DAB1: variants seen among roughly 807,000 people sequenced by gnomAD.
DAB1 encodes the protein disabled homolog 1.
A neutral mutation model predicts 64.6 loss-of-function variants in DAB1; 15 were observed. The observed-to-expected ratio is 0.23, with a 90% CI of 0.16 to 0.36. The LOEUF (loss-of-function observed/expected upper bound fraction) is 0.36, where lower values mean the gene tolerates loss of function less well. Ranked by LOEUF, DAB1 falls within the 10% of genes least tolerant of loss-of-function variation. The probability of loss-of-function intolerance (pLI) is 1.00; values close to 1 mark genes in which losing one functional copy is unlikely to be tolerated. For missense variants in DAB1, 596 were observed against 706.7 expected, an observed-to-expected ratio of 0.84 and a Z score of 1.78; for synonymous variants, 235 against 251.9, an observed-to-expected ratio of 0.93 and a Z score of 0.64.
intron 7 of DAB1, among the ~76,000 whole-genome samples, chr1:57,507,858 G>A (rs1644363305): frequency 6.6e-6 from 1 of 152,104 alleles, no homozygotes; most frequent in African/African-American, 2.4e-5. Flanking sequence ...ACCTTTTGCT[G>A]ATACCCCCTC....
At chr1:57,190,568 T>C (rs989068703) in intron 2 of DAB1, among the ~76,000 whole-genome samples, 1 of 152,186 alleles carries the variant, frequency 6.6e-6, no homozygotes, top group Non-Finnish European at 1.5e-5. Context: ...CAGGAAGATC[T>C]GCTGTCTCCA....
At chr1:58,341,099 T>C (rs1350589030) in intron 4 of DAB1, among the ~76,000 whole-genome samples, 1 of 151,116 alleles carries the variant, frequency 6.6e-6, no homozygotes, top group Non-Finnish European at 1.5e-5. Flanking sequence ...GCATCATTTA[T>C]TGGATAAAAA....
intron 4 of DAB1, among the ~76,000 whole-genome samples, chr1:57,129,570 C>T (rs1657465707): frequency 6.6e-6 from 1 of 152,080 alleles, no homozygotes; most frequent in Non-Finnish European, 1.5e-5. Flanking sequence ...AGAGGACACT[C>T]CCTGCTTCCT....
chr1:57,678,034 T>C (rs960081006), intron 6 of DAB1, among the ~76,000 whole-genome samples: 4 of 152,212 alleles, frequency 2.6e-5, no homozygotes, highest in Admixed American at 2.6e-4. Context: ...GTTCAATTGG[T>C]CTAGGGTATG....
rs891400315 is a variant in DAB1 at position 57,956,723 on chromosome 1, G to A, written n.388-72561C>T. On this transcript the variant is annotated intron_variant and non_coding_transcript_variant, in intron 5 of 20. Coordinates refer to the DAB1 transcript ENST00000485760. ...AATAGAGAAGAAGTTGTAAGGGTAC[G>A]TGTAACCACTCTAGATTGGATACTC... is the stretch of plus-strand genomic sequence containing the variant. 1.2e-4 allele frequency among the ~76,000 whole-genome samples: 18 copies of A among 152,170 alleles called. 1 individual carries two copies. Among genetic ancestry groups the A allele is most frequent in the South Asian group, 2.1e-4 (1 of 4,834 alleles).
chr1:57,506,008 T>C (rs957879902), intron 7 of DAB1, among the ~76,000 whole-genome samples: 1 of 152,208 alleles, frequency 6.6e-6, no homozygotes, highest in Admixed American at 6.5e-5. Flanking sequence ...TCTTCCACTC[T>C]AAAAAATAAA....
chr1:58,190,361 G>A (rs753780947), intron 4 of DAB1, among the ~76,000 whole-genome samples: 7 of 152,134 alleles, frequency 4.6e-5, no homozygotes, highest in African/African-American at 7.2e-5. Context: ...CCTGTCCCAC[G>A]TGGTGAACCA....
chr1:57,109,802 C>G (rs542679395), intron 4 of DAB1, among the ~76,000 whole-genome samples: 1 of 152,080 alleles, frequency 6.6e-6, no homozygotes, highest in Non-Finnish European at 1.5e-5. Flanking sequence ...AAATATTTGT[C>G]GAATGATTGC....
chr1:58,487,092 T>G (rs553439153), intron 3 of DAB1, among the ~76,000 whole-genome samples: 1 of 152,260 alleles, frequency 6.6e-6, no homozygotes, highest in African/African-American at 2.4e-5. Flanking sequence ...AGGTGAAACG[T>G]GACATCGTGA....
intron 4 of DAB1, among the ~76,000 whole-genome samples, chr1:57,114,157 T>C (rs1655907198): frequency 6.6e-6 from 1 of 152,190 alleles, no homozygotes; most frequent in South Asian, 2.1e-4. Flanking sequence ...AGCCAATTTG[T>C]ATTTAGGATT....
At chr1:57,523,980 AATGAAAAGC>A (rs1301280236) in intron 7 of DAB1, among the ~76,000 whole-genome samples, 2 of 152,210 alleles carry the variant, frequency 1.3e-5, no homozygotes, top group Non-Finnish European at 2.9e-5. Flanking sequence ...GAGTTCTATA[AATGAAAAGC>A]ATGATCACTT....
chr1:58,421,587 T>C (rs1177260751), intron 3 of DAB1, among the ~76,000 whole-genome samples: 2 of 152,206 alleles, frequency 1.3e-5, no homozygotes, highest in Non-Finnish European at 2.9e-5. Flanking sequence ...TCCTCTCAAT[T>C]TCAGGAGTCT....
chr1:57,521,026 A>G (rs1406978310), intron 7 of DAB1, among the ~76,000 whole-genome samples: 1 of 152,180 alleles, frequency 6.6e-6, no homozygotes, highest in Non-Finnish European at 1.5e-5. Context: ...TAAGCAGGGA[A>G]TTCACTATAG....
chr1:57,522,024 C>T (rs992496826), intron 7 of DAB1, among the ~76,000 whole-genome samples: 3 of 151,968 alleles, frequency 2.0e-5, no homozygotes, highest in Middle Eastern at 3.2e-3. Context: ...GCAGGAGAAT[C>T]GCTTGAACCC....
intron 7 of DAB1, among the ~76,000 whole-genome samples, chr1:57,487,697 C>A (rs756388044): frequency 6.6e-6 from 1 of 152,142 alleles, no homozygotes; most frequent in East Asian, 1.9e-4. Flanking sequence ...TACCACATAG[C>A]CTAGGTGTGT....
chr1:58,194,784 T>C (rs943819388), intron 4 of DAB1, among the ~76,000 whole-genome samples: 1 of 152,194 alleles, frequency 6.6e-6, no homozygotes, highest in Non-Finnish European at 1.5e-5. Flanking sequence ...TAGCTAGCCA[T>C]GGTGTTGTTG....
At chr1:57,458,469 T>C (rs936475773) in intron 7 of DAB1, among the ~76,000 whole-genome samples, 5 of 150,334 alleles carry the variant, frequency 3.3e-5, no homozygotes, top group African/African-American at 1.2e-4. Context: ...ATTCAGGTAC[T>C]CCTATTTGAG....
intron 4 of DAB1, among the ~76,000 whole-genome samples, chr1:58,244,652 C>T (rs1292296449): frequency 1.3e-5 from 2 of 152,174 alleles, no homozygotes; most frequent in Non-Finnish European, 2.9e-5. Flanking sequence ...CTGAAATGCA[C>T]TAACTTGTGC....
chr1:57,091,708 C>G (rs903877052), intron 4 of DAB1, among the ~76,000 whole-genome samples: 1 of 152,200 alleles, frequency 6.6e-6, no homozygotes, highest in African/African-American at 2.4e-5. Context: ...TTTATCTTTT[C>G]TGTGCCTCTG....
Sources: gnomAD v4.1 joint callset for allele counts (sites outside exome capture counted in the v4.1 genomes callset) on GRCh38, gnomAD v4.1.1 for gene constraint, MANE v1.5 for transcripts, NCBI Gene and HGNC (gene_info 2026-07-23, HGNC 2026-07-21) for gene names.